The following NIPSNAP3A variants were observed in gnomAD, a reference collection of about 807,000 sequenced individuals.
NIPSNAP3A encodes nipsnap homolog 3A.
A neutral mutation model predicts 32.3 loss-of-function variants in NIPSNAP3A; 27 were observed. The ratio of observed to expected loss-of-function variants is 0.84; its 90% confidence interval spans 0.62 to 1.15. The LOEUF (loss-of-function observed/expected upper bound fraction) is 1.15. Among genes scored for constraint, NIPSNAP3A ranks in the 50% most tolerant of loss-of-function variants. The pLI is 0.00. For missense variants in NIPSNAP3A, 278 were observed against 297.2 expected (o/e 0.94, Z 0.48); for synonymous variants, 108 against 107.3 (o/e 1.01, Z -0.04).
At position 104,754,537 on chromosome 9, in the gene NIPSNAP3A, T is replaced by C; in HGVS notation, c.431-14T>C. 1.9e-6 allele frequency: 3 copies of C among 1,612,784 alleles called. No homozygotes were observed. In the East Asian group the frequency reaches 6.7e-5, roughly 36 times the overall value. On this transcript the variant is annotated splice_polypyrimidine_tract_variant and intron_variant, in intron 3 of 5. Transcript: ENST00000374767. ...TGAATGTTTTCTGAAAAATTCTTTT[T>C]CTCCCTATTCCAGGAGTCTATGAAC...
At chr9:104,749,824 TAA>T (rs1827824607) in intron 1 of NIPSNAP3A, among the ~76,000 whole-genome samples, 1 of 152,210 alleles carries the variant, frequency 6.6e-6, no homozygotes, top group South Asian at 2.1e-4. Context: ...TAATGGTTCT[TAA>T]GTGATATTTT....
intron 1 of NIPSNAP3A, 36 bp downstream of exon 1, chr9:104,747,888 CGGGAGGGGAGGGGCG>C: frequency 1.4e-6 from 2 of 1,447,806 alleles, no homozygotes; most frequent in Non-Finnish European, 1.8e-6. Flanking sequence ...CTTCACCCGA[CGGGAGGGGAGGGGCG>C]GGGCGGGGAG....
At chr9:104,753,154 T>C in intron 3 of NIPSNAP3A, 90 bp downstream of exon 3, 3 of 1,044,362 alleles carry the variant, frequency 2.9e-6, no homozygotes, top group Middle Eastern at 2.4e-4. Context: ...TGGAAAAAAA[T>C]AAAATTAATT....
Position 104,748,192 on chromosome 9 carries a change from GCCCAGCGAGCGCT to G in NIPSNAP3A, c.60+345_60+357del, listed in dbSNP as rs950142120. Reference sequence around the variant, plus strand: ...GCTGCCCAGCTATGTCGCGGCTGCGGCCCAGCGAGCGCTCCCATGTTGTCACCTGGCGCTGTGG... The same window carrying G: ...GCTGCCCAGCTATGTCGCGGCTGCGGCCCATGTTGTCACCTGGCGCTGTGG... On this transcript the variant is annotated intron_variant, in intron 1 of 5. Transcript: ENST00000374767. 4.5e-4 allele frequency among the ~76,000 whole-genome samples: 68 copies of G among 152,308 alleles called. 1 individual carries two copies. Among genetic ancestry groups the G allele is most frequent in the Non-Finnish European group, 2.2e-4 (15 of 68,030 alleles).
intron 1 of NIPSNAP3A, among the ~76,000 whole-genome samples, chr9:104,750,601 A>G (rs1167327800): frequency 6.6e-6 from 1 of 152,216 alleles, no homozygotes; most frequent in Non-Finnish European, 1.5e-5. Flanking sequence ...CTTACACCAC[A>G]TAGCCAATGG....
intron 1 of NIPSNAP3A, among the ~76,000 whole-genome samples, chr9:104,749,738 G>A (rs1827823606): frequency 6.6e-6 from 1 of 152,072 alleles, no homozygotes; most frequent in East Asian, 1.9e-4. Context: ...TCTTAGGCGA[G>A]GTATTTCTTA....
intron 1 of NIPSNAP3A, among the ~76,000 whole-genome samples, chr9:104,750,557 G>T (rs1217122919): frequency 2.0e-4 from 30 of 152,118 alleles, no homozygotes; most frequent in Admixed American, 2.0e-3. Flanking sequence ...AAATGACTTT[G>T]CAACTTTACT....
At chr9:104,749,479 A>G (rs1410021183) in intron 1 of NIPSNAP3A, among the ~76,000 whole-genome samples, 1 of 152,254 alleles carries the variant, frequency 6.6e-6, no homozygotes, top group Non-Finnish European at 1.5e-5. Context: ...TCAGACAGAC[A>G]TACTGGCTAG....
intron 1 of NIPSNAP3A, among the ~76,000 whole-genome samples, chr9:104,750,513 T>C (rs2118749286): frequency 6.6e-6 from 1 of 152,262 alleles, no homozygotes; most frequent in South Asian, 2.1e-4. Flanking sequence ...TGACAAGAAA[T>C]ACCCTCTTCA....
chr9:104,749,643 A>G (rs1373683761), intron 1 of NIPSNAP3A, among the ~76,000 whole-genome samples: 1 of 152,150 alleles, frequency 6.6e-6, no homozygotes, highest in African/African-American at 2.4e-5. Flanking sequence ...TGTGTATACC[A>G]TGAGTGCATA....
At chr9:104,754,303 T>C (rs1422140922) in intron 3 of NIPSNAP3A, 9 of 370,028 alleles carry the variant, frequency 2.4e-5, no homozygotes, top group Non-Finnish European at 3.4e-5. Context: ...ATAATAGTTA[T>C]AATAGCTTCC....
intron 4 of NIPSNAP3A, among the ~76,000 whole-genome samples, chr9:104,758,292 T>C (rs1049509871): frequency 5.3e-5 from 8 of 152,198 alleles, no homozygotes; most frequent in Admixed American, 5.2e-4. Context: ...CTGATTTGGT[T>C]TTACTCATAT....
intron 4 of NIPSNAP3A, among the ~76,000 whole-genome samples, chr9:104,755,320 T>C (rs1564052482): frequency 6.6e-6 from 1 of 151,768 alleles, no homozygotes; most frequent in Non-Finnish European, 1.5e-5. Context: ...GTACTTTTAT[T>C]GATTTTTTAA....
chr9:104,751,429 C>T (rs1245733814), intron 2 of NIPSNAP3A, among the ~76,000 whole-genome samples: 9 of 151,960 alleles, frequency 5.9e-5, no homozygotes, highest in Non-Finnish European at 1.0e-4. Flanking sequence ...ATATATCAAG[C>T]GATAAAATTG....
chr9:104,754,363 A>C, intron 3 of NIPSNAP3A, 188 bp from the exon 4 acceptor site: 1 of 555,970 alleles, frequency 1.8e-6, no homozygotes, highest in Non-Finnish European at 3.2e-6. Context: ...ACTCACTCTT[A>C]AACATGGGCA....
Position 104,753,004 on chromosome 9 carries a change from C to CT in NIPSNAP3A, c.370_371insT (p.Gln124LeufsTer4). On this transcript the variant is annotated frameshift_variant, in exon 3 of 6. Coordinates refer to ENST00000374767, the MANE Select transcript of NIPSNAP3A (RefSeq NM_015469.3). LOFTEE classifies it high-confidence loss of function. ...TCCAAATTTGGCTCTCATTGATAAA[C>CT]AAGAGAGTGAGATTACTTATCTGGT... The CT allele has an allele frequency of 6.2e-7, 1 of 1,612,532 alleles. No individual in the cohort carries two copies. The highest frequency in any genetic ancestry group is 8.5e-7 in the Non-Finnish European group (1 of 1,178,672).
rs994473501 is a variant in NIPSNAP3A at position 104,760,029 on chromosome 9, C to T, written c.*691C>T. 17 of 152,092 alleles carry T rather than the reference C, an allele frequency of 1.1e-4. No homozygotes were observed. Among genetic ancestry groups the T allele is most frequent in the East Asian group, 7.7e-4 (4 of 5,200 alleles). 9.4% of individuals were successfully genotyped at this position (152,092 alleles called of 1,614,324 possible). A position where few individuals can be genotyped will look rare whatever the true frequency, so the allele number is the denominator to read the frequency against. On this transcript the variant is annotated 3_prime_UTR_variant, in exon 6 of 6. Transcript: ENST00000374767. The stretch of plus-strand genomic sequence containing the variant: ...AACTACTATTTACTTCATTTCGGAT[C>T]CTGTTTAACAAAGATACTTGAGACA...
chr9:104,755,114 G>A (rs1239236463), intron 4 of NIPSNAP3A, among the ~76,000 whole-genome samples: 1 of 151,944 alleles, frequency 6.6e-6, no homozygotes, highest in African/African-American at 2.4e-5. Context: ...GGTGGTGGGG[G>A]CCTGTAATCC....
chr9:104,756,831 T>C (rs1304519832), intron 4 of NIPSNAP3A, among the ~76,000 whole-genome samples: 4 of 150,388 alleles, frequency 2.7e-5, no homozygotes, highest in Admixed American at 1.3e-4. Flanking sequence ...TTTTTTTTTT[T>C]TTGAGATGGA....
Sources: gnomAD v4.1 joint callset for allele counts (sites outside exome capture counted in the v4.1 genomes callset) on GRCh38, gnomAD v4.1.1 for gene constraint, MANE v1.5 for transcripts, NCBI Gene and HGNC (gene_info 2026-07-23, HGNC 2026-07-21) for gene names.